The following SH3GL2 variants were observed in gnomAD, a reference collection of about 807,000 sequenced individuals.
The protein encoded by SH3GL2 is endophilin-A1.
Under a neutral mutation model 46.0 loss-of-function variants are expected in SH3GL2, and 24 were observed. The ratio of observed to expected loss-of-function variants is 0.52; its 90% CI spans 0.38 to 0.73. SH3GL2 has a LOEUF of 0.73. Ranked by LOEUF, SH3GL2 falls within the 30% of genes least tolerant of loss-of-function variation. The probability of loss-of-function intolerance (pLI) is 0.00; values close to 1 mark genes in which losing one functional copy is unlikely to be tolerated. For missense variants in SH3GL2, 413 were observed against 424.2 expected (o/e 0.97, Z 0.23); for synonymous variants, 196 against 147.1 (o/e 1.33, Z -2.40).
At chr9:17,652,692 A>T (rs1238996998) in intron 1 of SH3GL2, among the ~76,000 whole-genome samples, 1 of 152,174 alleles carries the variant, frequency 6.6e-6, no homozygotes, top group Non-Finnish European at 1.5e-5. Context: ...ATGACACTCA[A>T]AGGAAATGCT....
At chr9:17,712,624 C>G (rs1821656924) in intron 1 of SH3GL2, among the ~76,000 whole-genome samples, 2 of 151,938 alleles carry the variant, frequency 1.3e-5, no homozygotes, top group East Asian at 3.9e-4. Context: ...TCCTACATAT[C>G]TAAGTTTGTT....
At chr9:17,734,291 C>T (rs551659964) in intron 1 of SH3GL2, among the ~76,000 whole-genome samples, 23 of 152,182 alleles carry the variant, frequency 1.5e-4, no homozygotes, top group Non-Finnish European at 2.8e-4. Flanking sequence ...AGTTTACAGT[C>T]ACCACATCCA....
At chr9:17,769,598 A>T (rs1179652356) in intron 3 of SH3GL2, among the ~76,000 whole-genome samples, 2 of 151,848 alleles carry the variant, frequency 1.3e-5, no homozygotes, top group Non-Finnish European at 2.9e-5. Context: ...GCTGCTCCTC[A>T]TCACTCCACC....
intron 1 of SH3GL2, among the ~76,000 whole-genome samples, chr9:17,625,596 G>A (rs1211506967): frequency 2.6e-5 from 4 of 152,366 alleles, no homozygotes; most frequent in African/African-American, 9.6e-5. Context: ...AATGGGGAAA[G>A]TTAGTCTCTT....
intron 1 of SH3GL2, among the ~76,000 whole-genome samples, chr9:17,643,180 CTCTG>C: frequency 6.6e-6 from 1 of 152,084 alleles, no homozygotes; most frequent in Non-Finnish European, 1.5e-5. Context: ...CATGATTTGG[CTCTG>C]TATTTGTCTA....
chr9:17,737,790 TC>T (rs1822385940), intron 1 of SH3GL2, among the ~76,000 whole-genome samples: 1 of 152,104 alleles, frequency 6.6e-6, no homozygotes, highest in Non-Finnish European at 1.5e-5. Flanking sequence ...ATGCATGTTC[TC>T]CCTGAGCAGT....
At chr9:17,653,639 A>G (rs1030805717) in intron 1 of SH3GL2, among the ~76,000 whole-genome samples, 1 of 152,170 alleles carries the variant, frequency 6.6e-6, no homozygotes, top group Non-Finnish European at 1.5e-5. Context: ...GTGATAGTAC[A>G]AAGAGGTAGG....
intron 2 of SH3GL2, among the ~76,000 whole-genome samples, chr9:17,760,848 T>C (rs1489190504): frequency 6.6e-6 from 1 of 152,144 alleles, no homozygotes; most frequent in Non-Finnish European, 1.5e-5. Flanking sequence ...CACGGTGAGA[T>C]GCTGAAGGCA....
chr9:17,603,410 C>T (rs1818705715), intron 1 of SH3GL2, among the ~76,000 whole-genome samples: 1 of 152,136 alleles, frequency 6.6e-6, no homozygotes, highest in Non-Finnish European at 1.5e-5. Context: ...TCTGTGATCC[C>T]ACTTATAAGG....
chr9:17,750,074 A>G (rs953039050), intron 2 of SH3GL2, among the ~76,000 whole-genome samples: 7 of 152,078 alleles, frequency 4.6e-5, no homozygotes, highest in East Asian at 1.9e-4. Context: ...CTCTATTGCA[A>G]ATTTTGCACC....
intron 1 of SH3GL2, among the ~76,000 whole-genome samples, chr9:17,667,511 A>G (rs1052092891): frequency 1.3e-5 from 2 of 152,124 alleles, no homozygotes; most frequent in Non-Finnish European, 2.9e-5. Context: ...TCAGTACAAC[A>G]TTTGTTTTTA....
chr9:17,737,222 G>A (rs1031864600), intron 1 of SH3GL2, among the ~76,000 whole-genome samples: 1 of 152,030 alleles, frequency 6.6e-6, no homozygotes, highest in South Asian at 2.1e-4. Context: ...GGCTAGGGGA[G>A]GGATAGCATT....
intron 1 of SH3GL2, among the ~76,000 whole-genome samples, chr9:17,745,881 G>A (rs1272365312): frequency 2.6e-5 from 4 of 152,022 alleles, no homozygotes; most frequent in African/African-American, 9.7e-5. Context: ...ATCTGTGTGC[G>A]ATAACTTTAT....
At chr9:17,793,939 G>A (rs977057827) in intron 8 of SH3GL2, among the ~76,000 whole-genome samples, 2 of 152,230 alleles carry the variant, frequency 1.3e-5, no homozygotes. Context: ...ACAGCAAGCG[G>A]CTCCAGAAAT....
intron 1 of SH3GL2, among the ~76,000 whole-genome samples, chr9:17,647,786 A>G (rs1260268767): frequency 1.3e-5 from 2 of 152,336 alleles, no homozygotes; most frequent in East Asian, 3.9e-4. Context: ...CATCCTTTAA[A>G]TTGGACTGTG....
intron 1 of SH3GL2, among the ~76,000 whole-genome samples, chr9:17,637,744 TG>T (rs1819574242): frequency 6.6e-6 from 1 of 152,220 alleles, no homozygotes; most frequent in South Asian, 2.1e-4. Flanking sequence ...ACAACCTAAG[TG>T]GGTGCTTTAT....
intron 1 of SH3GL2, among the ~76,000 whole-genome samples, chr9:17,607,358 A>T (rs1453929107): frequency 1.3e-5 from 2 of 152,266 alleles, no homozygotes; most frequent in Non-Finnish European, 2.9e-5. Context: ...GAAAAGATAC[A>T]GTAAAAATAT....
chr9:17,756,860 C>A (rs1009785602), intron 2 of SH3GL2, among the ~76,000 whole-genome samples: 46 of 152,220 alleles, frequency 3.0e-4, no homozygotes, highest in African/African-American at 1.0e-3. Flanking sequence ...ATGGCTGGGT[C>A]AAATGGTATT....
chr9:17,773,673 C>T (rs567391358), intron 3 of SH3GL2, among the ~76,000 whole-genome samples: 5 of 152,200 alleles, frequency 3.3e-5, no homozygotes, highest in Admixed American at 1.3e-4. Flanking sequence ...ACATGTCTGT[C>T]TTTATGACAG....
Sources: allele counts gnomAD v4.1 joint callset (sites outside exome capture counted in the v4.1 genomes callset), GRCh38; gene constraint gnomAD v4.1.1; transcripts MANE v1.5; gene names NCBI Gene and HGNC (gene_info 2026-07-23, HGNC 2026-07-21).